Variants in CATSPERD observed in about 807,000 individuals in gnomAD.
The protein encoded by CATSPERD is cation channel sperm-associated auxiliary subunit delta.
In CATSPERD, 86 loss-of-function variants were observed where a neutral mutation model predicts 98.1. The observed-to-expected ratio is 0.88, with a 90% CI of 0.74 to 1.05. The LOEUF is 1.05. CATSPERD is among the 50% of genes least tolerant of loss of function. CATSPERD has a pLI of 0.00. For missense variants in CATSPERD, 995 were observed against 1,005.7 expected (o/e 0.99, Z 0.14); for synonymous variants, 394 against 390.2 (o/e 1.01, Z -0.12).
intron 3 of CATSPERD, 66 bp downstream of exon 3, chr19:5,727,410 T>A: frequency 1.7e-6 from 2 of 1,197,344 alleles, no homozygotes; most frequent in Admixed American, 1.7e-5. Context: ...GCCCCATTCA[T>A]TCGTTCAACA....
intron 11 of CATSPERD, 57 bp downstream of exon 11, chr19:5,749,240 C>G: frequency 1.5e-6 from 2 of 1,322,858 alleles, no homozygotes; most frequent in South Asian, 1.2e-5. Flanking sequence ...GCCTGTCATC[C>G]CAGCACTTTG....
At chr19:5,760,415 A>G (rs560447036) in intron 15 of CATSPERD, among the ~76,000 whole-genome samples, 1 of 149,698 alleles carries the variant, frequency 6.7e-6, no homozygotes, top group African/African-American at 2.4e-5. Flanking sequence ...AAAAAAAAGT[A>G]AGGGAATCCT....
chr19:5,751,531 C>CAAAAAAAAAAAAAAAAAAAAAAAAAAAA (rs57266365), intron 11 of CATSPERD, 116 bp from the exon 12 acceptor site: 1 of 155,712 alleles, frequency 6.4e-6, no homozygotes, highest in African/African-American at 6.1e-5. Flanking sequence ...GAGACTCCAT[C>CAAAAAAAAAAAAAAAAAAAAAAAAAAAA]AAAAAAAAAA....
At chr19:5,760,264 T>G (rs1196460483) in intron 15 of CATSPERD, among the ~76,000 whole-genome samples, 1 of 150,784 alleles carries the variant, frequency 6.6e-6, no homozygotes, top group Non-Finnish European at 1.5e-5. Flanking sequence ...CCAGGCATGG[T>G]GACAGGCGCC....
chr19:5,768,692 G>A lies in CATSPERD; in HGVS notation c.1634+450G>A, dbSNP rs115801704. Among the ~76,000 whole-genome samples, 662 of 152,166 alleles carry A rather than the reference G, an allele frequency of 4.4e-3. 3 individuals are homozygous for A. Among genetic ancestry groups the A allele is most frequent in the African/African-American group, 0.015 (630 of 41,528 alleles). On this transcript the variant is annotated intron_variant, in intron 18 of 21. Coordinates refer to ENST00000381624, the MANE Select transcript of CATSPERD (RefSeq NM_152784.4). ...CCTGTGGCCCAGGCTGGAGTGCAGC[G>A]ATGCGATCATAGCTCACCACAGCCT...
intron 20 of CATSPERD, among the ~76,000 whole-genome samples, chr19:5,774,755 G>A (rs1021111224): frequency 1.2e-4 from 18 of 151,986 alleles, no homozygotes; most frequent in Non-Finnish European, 1.6e-4. Context: ...TGTGGCTCAC[G>A]CCTGTAATCC....
intron 7 of CATSPERD, among the ~76,000 whole-genome samples, chr19:5,742,293 TGTACGTATGTGAATGTGTGTGTGG>T (rs2056001447): frequency 7.7e-6 from 1 of 129,382 alleles, no homozygotes; most frequent in Non-Finnish European, 1.7e-5. Context: ...TGTGTGCGTG[TGTACGTATGTGAATGTGTGTGTGG>T]GTGTGCGTGT....
At position 5,778,515 on chromosome 19, in the gene CATSPERD, C is replaced by G; in HGVS notation, c.2236C>G (p.Leu746Val). Residue 746 changes from leucine (L) to valine (V), a missense_variant, in exon 22 of 22, where the codon CTG (leucine) becomes GTG (valine). Leu to Val is a conservative substitution (Grantham distance 32). This residue lies in a region of CATSPERD where 762 missense variants were observed against 773.7 expected (regional missense o/e 0.98). Transcript: ENST00000381624. The stretch of plus-strand genomic sequence containing the variant: ...TTGGCTGGCCTACAAGACCCCCAAG[C>G]TGCTACGCACAGCACGCGGCCGCAG... ...SVWLAYKTPK[L>V]LRTARGRRIK... The G allele has an allele frequency of 5.0e-6, 8 of 1,614,056 alleles. No homozygotes were observed. The highest frequency in any genetic ancestry group is 6.8e-6 in the Non-Finnish European group (8 of 1,180,036).
chr19:5,768,103 C>T lies in CATSPERD; in HGVS notation c.1560-65C>T, dbSNP rs2056577046. On this transcript the variant is annotated intron_variant, in intron 17 of 21. Coordinates refer to ENST00000381624, the MANE Select transcript of CATSPERD (RefSeq NM_152784.4). ...CACGCCCAGCCCCTCCCTTTCTGTC[C>T]CATCCATAATGGTTTGGTTCTTTGT... 6 of 1,446,328 alleles carry T rather than the reference C, an allele frequency of 4.1e-6. 1 individual carries two copies. The East Asian group carries it at 1.4e-4, about 33-fold the overall frequency. The allele number at this position is 1,446,328 out of a possible 1,614,324, so 89.6% of individuals were successfully genotyped here.
At chr19:5,747,736 C>CAAG (rs1209287058) in intron 9 of CATSPERD, among the ~76,000 whole-genome samples, 2 of 150,992 alleles carry the variant, frequency 1.3e-5, no homozygotes, top group African/African-American at 4.9e-5. Context: ...CTCAGTCTCC[C>CAAG]AAGTAGCTGG....
chr19:5,741,430 C>T (rs1397803125), intron 7 of CATSPERD, among the ~76,000 whole-genome samples: 1 of 152,064 alleles, frequency 6.6e-6, no homozygotes, highest in African/African-American at 2.4e-5. Context: ...GCAATCTGCT[C>T]CCAAGATGGT....
intron 19 of CATSPERD, 28 bp from the exon 20 acceptor site, chr19:5,772,760 A>ACAGCCCTGCC: frequency 6.2e-7 from 1 of 1,603,390 alleles, no homozygotes; most frequent in Non-Finnish European, 8.5e-7. Context: ...TGCTCCCTGC[A>ACAGCCCTGCC]CAGCCCTGCC....
At chr19:5,728,705 C>CTTT (rs201059226) in intron 3 of CATSPERD, among the ~76,000 whole-genome samples, 3 of 145,106 alleles carry the variant, frequency 2.1e-5, no homozygotes, top group South Asian at 4.3e-4. Context: ...CTCTCTCTCT[C>CTTT]TTTTTTTTTT....
At chr19:5,744,801 A>G (rs892314339) in intron 8 of CATSPERD, among the ~76,000 whole-genome samples, 54 of 152,004 alleles carry the variant, frequency 3.6e-4, no homozygotes, top group Non-Finnish European at 6.6e-4. Context: ...GGGTTTCACC[A>G]TGTTGGCCAG....
intron 5 of CATSPERD, among the ~76,000 whole-genome samples, chr19:5,736,689 G>A (rs2055852858): frequency 6.6e-6 from 1 of 152,030 alleles, no homozygotes; most frequent in African/African-American, 2.4e-5. Flanking sequence ...CTAGACGACA[G>A]AGATTGCACC....
chr19:5,736,795 C>A (rs990972952), intron 5 of CATSPERD, among the ~76,000 whole-genome samples: 1 of 147,302 alleles, frequency 6.8e-6, no homozygotes, highest in African/African-American at 2.5e-5. Flanking sequence ...TGGTGGCTCA[C>A]GCCTGTAATC....
intron 1 of CATSPERD, among the ~76,000 whole-genome samples, chr19:5,721,436 C>T (rs1356840097): frequency 6.6e-6 from 1 of 152,120 alleles, no homozygotes; most frequent in Non-Finnish European, 1.5e-5. Flanking sequence ...TGAGCCACCG[C>T]GCCCAGCCTT....
In CATSPERD at chr19:5,772,773, G is replaced by A. The variant is rs192994240; in HGVS notation, c.1764-15G>A. ...CCTGCTCCCTGCACAGCCCTGCCCC[G>A]TGCCTGTGTCCTAGGTGGCGAAAAG... On this transcript the variant is annotated splice_polypyrimidine_tract_variant and intron_variant, in intron 19 of 21. Transcript: ENST00000381624. 73 of 1,611,350 alleles carry A rather than the reference G, an allele frequency of 4.5e-5. No individual in the cohort carries two copies. The African/African-American group carries it at 4.9e-4, about 11-fold the overall frequency.
chr19:5,763,165 C>A, intron 15 of CATSPERD, 50 bp from the exon 16 acceptor site: 2 of 1,393,020 alleles, frequency 1.4e-6, no homozygotes, highest in Non-Finnish European at 2.0e-6. Context: ...GCAGCTGTGT[C>A]GTTTACAGGG....
Sources: gnomAD v4.1 joint callset for allele counts (sites outside exome capture counted in the v4.1 genomes callset) on GRCh38, gnomAD v4.1.1 for gene constraint, gnomAD v4.1.1 regional missense constraint, MANE v1.5 for transcripts, NCBI Gene and HGNC (gene_info 2026-07-23, HGNC 2026-07-21) for gene names.